USP6: variants seen among roughly 807,000 people sequenced by gnomAD.
USP6 encodes ubiquitin specific peptidase 6.
Under a neutral mutation model 175.7 loss-of-function variants are expected in USP6, and 128 were observed. The ratio of observed to expected loss-of-function variants is 0.73; its 90% CI spans 0.63 to 0.84. The LOEUF is 0.84. Among genes scored for constraint, USP6 ranks in the 40% least tolerant of loss-of-function variants. The pLI is 0.00. For missense variants in USP6, 1,498 were observed against 1,760.3 expected (o/e 0.85, Z 2.67); for synonymous variants, 562 against 630.6 (o/e 0.89, Z 1.63).
At chr17:5,137,970 C>T in intron 20 of USP6, 151 bp from the exon 21 acceptor site, 1 of 1,520,548 alleles carries the variant, frequency 6.6e-7, no homozygotes, top group Non-Finnish European at 8.8e-7. Flanking sequence ...CCAGATCACC[C>T]CCCAGCCACA....
intron 18 of USP6, 21 bp downstream of exon 18, chr17:5,136,755 GCTCTT>G (rs2073267870): frequency 6.2e-7 from 1 of 1,610,738 alleles, no homozygotes; most frequent in Admixed American, 1.7e-5. Flanking sequence ...GGTCCCCTCG[GCTCTT>G]CTCAGAGGCC....
In USP6 at chr17:5,173,658, A is replaced by T. The variant is rs1162559463; in HGVS notation, c.*680A>T. On this transcript the variant is annotated 3_prime_UTR_variant, in exon 38 of 38. Coordinates refer to ENST00000574788, the MANE Select transcript of USP6 (RefSeq NM_001304284.2). Reference sequence around the variant, plus strand: ...AGCTATGTGCCTTCCAACCAGAGGGAGACCCAGTAGAAAGAAAAACATCCT... The same window carrying T: ...AGCTATGTGCCTTCCAACCAGAGGGTGACCCAGTAGAAAGAAAAACATCCT... 5 of 218,558 alleles carry T rather than the reference A, an allele frequency of 2.3e-5. No individual in the cohort carries two copies. Among genetic ancestry groups the T allele is most frequent in the African/African-American group, 1.1e-4 (5 of 44,520 alleles). 13.5% of individuals were successfully genotyped at this position (218,558 alleles called of 1,614,324 possible).
rs982280356 is a variant in USP6, at chr17:5,117,148, A to G, written c.-1928+408A>G. On this transcript the variant is annotated intron_variant, in intron 1 of 37. Transcript: ENST00000574788. ...TCTAATTAGTTTCTCTTCTACAATTATAAGTTCCATCAGGCCAGAGACTTG... is the reference window on the plus strand; with the variant it reads ...TCTAATTAGTTTCTCTTCTACAATTGTAAGTTCCATCAGGCCAGAGACTTG... 4.6e-5 allele frequency among the ~76,000 whole-genome samples: 7 copies of G among 152,228 alleles called. No homozygotes were observed. The East Asian group carries it at 5.8e-4, about 13-fold the overall frequency.
At chr17:5,135,334 A>C in intron 16 of USP6, 52 bp downstream of exon 16, 1 of 1,600,100 alleles carries the variant, frequency 6.2e-7, no homozygotes, top group Admixed American at 1.7e-5. Flanking sequence ...TATTCACAGG[A>C]GTGGGTGTCT....
In USP6 at chr17:5,132,362, G is replaced by GC; in HGVS notation, c.156-33dup. 6.2e-7 allele frequency: 1 copy of GC among 1,612,080 alleles called. No individual in the cohort carries two copies. The highest frequency in any genetic ancestry group is 1.7e-5 in the Admixed American group (1 of 60,010). On this transcript the variant is annotated intron_variant, in intron 11 of 37. Transcript: ENST00000574788. The surrounding 1 kb of genome is among the most constrained non-coding windows in gnomAD (Gnocchi z 4.7). ...AGGCTTGGGCGGCTCCAGGCCCTGT[G>GC]CACGTCCTCAGCTCTGCCTGGGTTG...
chr17:5,138,337 C>T (rs1192690255), intron 21 of USP6, 64 bp downstream of exon 21: 1 of 1,605,900 alleles, frequency 6.2e-7, no homozygotes. Context: ...TGGGCGGGTG[C>T]CCCGGACCAG....
rs2073676957 is a variant in USP6, at chr17:5,148,632, C to G, written c.2508C>G (p.Ile836Met). 2 of 1,613,948 alleles carry G rather than the reference C, an allele frequency of 1.2e-6. No individual in the cohort carries two copies. Among genetic ancestry groups the G allele is most frequent in the Non-Finnish European group, 1.7e-6 (2 of 1,179,854 alleles). The change falls in exon 30 of 38, where the codon ATC becomes ATG. Residue 836 changes from isoleucine (I) to methionine (M), a missense_variant. Ile to Met is a conservative substitution (Grantham distance 10, BLOSUM62 1). Coordinates refer to ENST00000574788, the MANE Select transcript of USP6 (RefSeq NM_001304284.2). ...GGGACCTACCCAAACCAATATTCATCCCCAATGGAATGCCAAACACTGTTG... is the reference window on the plus strand; with the variant it reads ...GGGACCTACCCAAACCAATATTCATGCCCAATGGAATGCCAAACACTGTTG... ...TNGDLPKPIF[I>M]PNGMPNTVVP...
At chr17:5,117,349 C>A (rs561982737) in intron 1 of USP6, among the ~76,000 whole-genome samples, 1 of 152,080 alleles carries the variant, frequency 6.6e-6, no homozygotes, top group South Asian at 2.1e-4. Context: ...AACCCCCTCT[C>A]TACAAAAAAT....
intron 17 of USP6, 81 bp from the exon 18 acceptor site, chr17:5,136,558 TG>T (rs2073259528): frequency 1.3e-6 from 2 of 1,545,774 alleles, no homozygotes; most frequent in Admixed American, 3.4e-5. Context: ...TGGGGGCCTC[TG>T]CAGCTGCCCA....
At chr17:5,168,735 T>G in intron 34 of USP6, 32 bp from the exon 35 acceptor site, 1 of 1,534,722 alleles carries the variant, frequency 6.5e-7, no homozygotes, top group Non-Finnish European at 8.8e-7. Flanking sequence ...CAGAACCCTT[T>G]AATGCGATGT....
intron 29 of USP6, 65 bp from the exon 30 acceptor site, chr17:5,148,491 T>C: frequency 6.4e-7 from 1 of 1,563,316 alleles, no homozygotes; most frequent in Admixed American, 1.7e-5. Flanking sequence ...TCAGGATACT[T>C]GAGAAAAGAG....
Position 5,137,651 on chromosome 17 carries a change from ATCTC to A in USP6, c.831_834del (p.Leu278GlyfsTer18), listed in dbSNP as rs1567786795. 6.2e-7 allele frequency: 1 copy of A among 1,604,272 alleles called. No homozygotes were observed. Among genetic ancestry groups the A allele is most frequent in the South Asian group, 1.1e-5 (1 of 91,002 alleles). Reference sequence around the variant, plus strand: ...TCTCTCATACCTGCTGTCCCCACAGATCTCTCTCGGGCTCACCCTGCGCCTGTGG... The same window carrying A: ...TCTCTCATACCTGCTGTCCCCACAGATCTCGGGCTCACCCTGCGCCTGTGG... On this transcript the variant is annotated frameshift_variant and splice_region_variant, in exon 20 of 38. Transcript: ENST00000574788. LOFTEE classifies it high-confidence loss of function.
Position 5,133,913 on chromosome 17 carries a change from A to C in USP6, c.411A>C (p.Ser137=). ...TCATGAAGGAGAGGGGCAAGAGGTC[A>C]TCTGAACACATCCACCACATCGACC... ...YQIMKERGKR[S]SEHIHHIDLD... is the part of the protein sequence containing the mutation. Residue 137 remains serine, a synonymous_variant, in exon 15 of 38, where the codon TCA becomes TCC. Coordinates refer to ENST00000574788, the MANE Select transcript of USP6 (RefSeq NM_001304284.2). 6.2e-7 allele frequency: 1 copy of C among 1,614,158 alleles called. No homozygotes were observed. The highest frequency in any genetic ancestry group is 8.5e-7 in the Non-Finnish European group (1 of 1,180,010).
rs1328546921 is a variant in USP6, at chr17:5,155,414, AC to A, written c.2644-7del. 1 of 1,612,968 alleles carries A rather than the reference AC, an allele frequency of 6.2e-7. No individual in the cohort carries two copies. The highest frequency in any genetic ancestry group is 2.2e-5 in the East Asian group (1 of 44,854). On this transcript the variant is annotated splice_region_variant and splice_polypyrimidine_tract_variant and intron_variant, in intron 30 of 37. Transcript: ENST00000574788. ...TTCTCAACTCTCTATTCTCGTTTGT[AC>A]ATACAGATGAGGACAGAACTGTATT...
At chr17:5,133,117 C>T in intron 13 of USP6, 127 bp downstream of exon 13, 11 of 1,134,098 alleles carry the variant, frequency 9.7e-6, no homozygotes, top group Non-Finnish European at 8.9e-6. Context: ...GCCCAGAGGA[C>T]TGCAGGCCTG....
chr17:5,130,743 G>T (rs1175821387), intron 11 of USP6, 59 bp downstream of exon 11: 3 of 1,603,908 alleles, frequency 1.9e-6, no homozygotes, highest in African/African-American at 2.7e-5. Context: ...TCAGGGATGG[G>T]TTTGCTTTTA....
Position 5,173,484 on chromosome 17 carries a change from A to G in USP6, c.*506A>G, listed in dbSNP as rs1392596702. The G allele has an allele frequency of 4.5e-6, 1 of 220,416 alleles. No individual in the cohort carries two copies. Among genetic ancestry groups the G allele is most frequent in the African/African-American group, 2.2e-5 (1 of 44,578 alleles). 13.7% of individuals were successfully genotyped at this position (220,416 alleles called of 1,614,324 possible). On this transcript the variant is annotated 3_prime_UTR_variant, in exon 38 of 38. Transcript: ENST00000574788. The stretch of plus-strand genomic sequence containing the variant: ...TGCAAATGATTCTTACGGCATGGAC[A>G]AGGATTTTTCAATTTATTTTTTAAA...
At chr17:5,141,883 A>G in intron 23 of USP6, 120 bp from the exon 24 acceptor site, 1 of 1,440,324 alleles carries the variant, frequency 6.9e-7, no homozygotes, top group Non-Finnish European at 9.2e-7. Context: ...CTAGAGAATT[A>G]TTAGCACCAT....
intron 31 of USP6, among the ~76,000 whole-genome samples, chr17:5,156,310 TTTTTTCTTTTC>T (rs1226537554): frequency 6.6e-6 from 1 of 152,062 alleles, no homozygotes; most frequent in Non-Finnish European, 1.5e-5. Flanking sequence ...TTTCTTTTTT[TTTTTTCTTTTC>T]TTTATGACAG....
Sources: allele counts gnomAD v4.1 joint callset (sites outside exome capture counted in the v4.1 genomes callset), GRCh38; gene constraint gnomAD v4.1.1; non-coding constraint Gnocchi (gnomAD v3.1); transcripts MANE v1.5; gene names NCBI Gene and HGNC (gene_info 2026-07-23, HGNC 2026-07-21).